Variants in CNTN1 observed in about 807,000 individuals in gnomAD.
CNTN1 encodes the protein contactin 1.
Under a neutral mutation model 126.4 loss-of-function variants are expected in CNTN1, and 38 were observed. That is an observed-to-expected ratio of 0.30 (90% CI 0.23 to 0.39). CNTN1 has a LOEUF of 0.39. Ranked by LOEUF, CNTN1 falls within the 10% of genes least tolerant of loss-of-function variation. CNTN1 has a pLI of 1.00. For missense variants in CNTN1, 1,009 were observed against 1,248.4 expected (o/e 0.81, Z 2.89); for synonymous variants, 413 against 422.6 (o/e 0.98, Z 0.28).
intron 20 of CNTN1, among the ~76,000 whole-genome samples, chr12:41,020,870 T>C (rs1052457517): frequency 6.6e-6 from 1 of 152,184 alleles, no homozygotes; most frequent in Non-Finnish European, 1.5e-5. Flanking sequence ...ATTTTAAATA[T>C]ACCGAATATG....
intron 1 of CNTN1, among the ~76,000 whole-genome samples, chr12:40,820,968 T>C (rs1445469183): frequency 6.6e-6 from 1 of 152,226 alleles, no homozygotes; most frequent in Non-Finnish European, 1.5e-5. Context: ...AAAATAAGGC[T>C]GATGTCTCCA....
intron 21 of CNTN1, among the ~76,000 whole-genome samples, chr12:41,026,501 G>C (rs1157699195): frequency 2.0e-5 from 3 of 152,196 alleles, no homozygotes; most frequent in Non-Finnish European, 4.4e-5. Context: ...AGTGATAAAT[G>C]ATAAGAAGAA....
chr12:41,001,038 G>C, intron 17 of CNTN1, among the ~76,000 whole-genome samples: 1 of 152,120 alleles, frequency 6.6e-6, no homozygotes, highest in East Asian at 1.9e-4. Flanking sequence ...TATCACTGAT[G>C]GGCATTTAGG....
At chr12:40,977,237 T>A (rs1246327140) in intron 15 of CNTN1, among the ~76,000 whole-genome samples, 1 of 152,166 alleles carries the variant, frequency 6.6e-6, no homozygotes, top group Non-Finnish European at 1.5e-5. Context: ...TAGAAAAGAA[T>A]GTCTGTATTA....
At chr12:40,781,432 A>G (rs1396173203) in intron 1 of CNTN1, among the ~76,000 whole-genome samples, 2 of 152,012 alleles carry the variant, frequency 1.3e-5, no homozygotes, top group African/African-American at 4.8e-5. Flanking sequence ...CCAGTCCTCT[A>G]TTGAGTATGT....
chr12:40,911,852 T>C (rs1024883698), intron 3 of CNTN1, among the ~76,000 whole-genome samples: 2 of 152,144 alleles, frequency 1.3e-5, no homozygotes, highest in African/African-American at 4.8e-5. Flanking sequence ...GCAAGAGTAA[T>C]GGCATCACTC....
At chr12:40,842,267 T>C (rs563927306) in intron 1 of CNTN1, among the ~76,000 whole-genome samples, 2 of 152,230 alleles carry the variant, frequency 1.3e-5, no homozygotes, top group Non-Finnish European at 2.9e-5. Flanking sequence ...ATTAGCTTGT[T>C]ATTGGTTCCT....
intron 17 of CNTN1, among the ~76,000 whole-genome samples, chr12:41,010,564 A>G (rs969847783): frequency 2.6e-5 from 4 of 152,134 alleles, no homozygotes; most frequent in African/African-American, 7.2e-5. Context: ...CCAAGATGCT[A>G]TCTGGTGCTA....
chr12:40,989,367 G>A (rs1948046122), intron 16 of CNTN1, among the ~76,000 whole-genome samples: 1 of 152,056 alleles, frequency 6.6e-6, no homozygotes, highest in South Asian at 2.1e-4. Context: ...CATACAAAGC[G>A]GCAGTGGAAG....
At chr12:40,831,386 T>C (rs1040263933) in intron 1 of CNTN1, among the ~76,000 whole-genome samples, 21 of 152,044 alleles carry the variant, frequency 1.4e-4, no homozygotes, top group African/African-American at 4.8e-4. Flanking sequence ...AAATTTCCCA[T>C]AGGGCACTTC....
At chr12:41,003,579 C>CT (rs34754093) in intron 17 of CNTN1, among the ~76,000 whole-genome samples, 273 of 141,670 alleles carry the variant, frequency 1.9e-3, no homozygotes, top group East Asian at 9.5e-3. Flanking sequence ...TGGTCCTGGG[C>CT]TTTTTTTTTT....
intron 1 of CNTN1, chr12:40,729,638 G>C: frequency 4.5e-6 from 1 of 222,372 alleles, no homozygotes; most frequent in Non-Finnish European, 1.0e-5. Context: ...CGAGCATGGA[G>C]TCCACAAACT....
At position 40,734,895 on chromosome 12, in the gene CNTN1, C is replaced by G. The variant is rs1942583469; in HGVS notation, c.-77+42303C>G. On this transcript the variant is annotated intron_variant, in intron 1 of 23. Coordinates refer to ENST00000551295, the MANE Select transcript of CNTN1 (RefSeq NM_001843.4). ...TTTTCTCACAAGAAGTATAATTTAT[C>G]AACTAAGTTGAGAAGATTTATTTCA... is the stretch of plus-strand genomic sequence containing the variant. 3.3e-5 allele frequency among the ~76,000 whole-genome samples: 5 copies of G among 152,140 alleles called. No individual in the cohort carries two copies. The South Asian group carries it at 1.0e-3, about 32-fold the overall frequency.
intron 1 of CNTN1, among the ~76,000 whole-genome samples, chr12:40,697,624 G>A (rs188020262): frequency 4.9e-4 from 75 of 152,258 alleles, no homozygotes; most frequent in African/African-American, 1.3e-3. Context: ...ACTTAACGGA[G>A]AATTGAATAT....
chr12:40,823,323 G>T (rs1214004309), intron 1 of CNTN1, among the ~76,000 whole-genome samples: 1 of 152,182 alleles, frequency 6.6e-6, no homozygotes, highest in East Asian at 1.9e-4. Flanking sequence ...TGCAGTGAAA[G>T]AGGCCTGAGC....
At chr12:40,776,266 C>A (rs989841629) in intron 1 of CNTN1, among the ~76,000 whole-genome samples, 3 of 151,668 alleles carry the variant, frequency 2.0e-5, no homozygotes, top group East Asian at 1.9e-4. Flanking sequence ...GAGTTCTCAA[C>A]AAGAGTTGGA....
chr12:41,052,406 G>A (rs770515183), intron 23 of CNTN1, among the ~76,000 whole-genome samples: 6 of 152,066 alleles, frequency 3.9e-5, no homozygotes, highest in Admixed American at 1.3e-4. Context: ...GAATATATAT[G>A]CAGTGGCTTT....
At chr12:40,954,036 T>C (rs1345989828) in intron 14 of CNTN1, among the ~76,000 whole-genome samples, 2 of 152,150 alleles carry the variant, frequency 1.3e-5, no homozygotes, top group African/African-American at 4.8e-5. Context: ...GGTGATTTTT[T>C]TGAAAATTCA....
At chr12:41,069,169 C>T (rs1180707724) in intron 23 of CNTN1, among the ~76,000 whole-genome samples, 2 of 152,106 alleles carry the variant, frequency 1.3e-5, no homozygotes, top group Admixed American at 6.5e-5. Context: ...CTAAGTGTCA[C>T]CCAAGACGTA....
Sources: allele counts gnomAD v4.1 joint callset (sites outside exome capture counted in the v4.1 genomes callset), GRCh38; gene constraint gnomAD v4.1.1; transcripts MANE v1.5; gene names NCBI Gene and HGNC (gene_info 2026-07-23, HGNC 2026-07-21).